CACNA2D3: variants seen among roughly 807,000 people sequenced by gnomAD.
CACNA2D3 encodes the protein voltage-dependent calcium channel subunit alpha-2/delta-3.
In CACNA2D3, 60 loss-of-function variants were observed where a neutral mutation model predicts 160.6. That is an observed-to-expected ratio of 0.37 (90% confidence interval 0.30 to 0.46). The LOEUF (loss-of-function observed/expected upper bound fraction) is 0.46. CACNA2D3 is among the 20% of genes least tolerant of loss of function. The pLI is 1.00. For synonymous variants in CACNA2D3, 558 were observed against 492.9 expected (o/e 1.13, Z -1.75); for missense variants, 1,205 against 1,365.0 (o/e 0.88, Z 1.85).
chr3:54,966,128 A>AC (rs1702143894), intron 27 of CACNA2D3, among the ~76,000 whole-genome samples: 1 of 151,924 alleles, frequency 6.6e-6, no homozygotes, highest in South Asian at 2.1e-4. Context: ...CCATCAGAGA[A>AC]CGGGGGTGGG....
At chr3:54,500,643 C>A (rs1241837774) in intron 4 of CACNA2D3, among the ~76,000 whole-genome samples, 1 of 149,714 alleles carries the variant, frequency 6.7e-6, no homozygotes, top group Non-Finnish European at 1.5e-5. Flanking sequence ...TCTTTTTCTG[C>A]CTTCTCTAGT....
chr3:54,291,372 G>T (rs78507078), intron 2 of CACNA2D3, among the ~76,000 whole-genome samples: 1,786 of 152,210 alleles, frequency 0.012, 31 homozygotes, highest in South Asian at 0.044. Flanking sequence ...TCTAAATTTT[G>T]TCCCTTTAAA....
intron 25 of CACNA2D3, among the ~76,000 whole-genome samples, chr3:54,891,768 G>A (rs982988092): frequency 2.0e-5 from 3 of 152,196 alleles, no homozygotes; most frequent in African/African-American, 7.2e-5. Context: ...CCAGAGGGAG[G>A]AAACACTCAT....
At chr3:54,949,292 A>G (rs1701696195) in intron 27 of CACNA2D3, among the ~76,000 whole-genome samples, 1 of 152,186 alleles carries the variant, frequency 6.6e-6, no homozygotes, top group Admixed American at 6.5e-5. Context: ...AATTGGAGTC[A>G]TGACAGCTCC....
intron 4 of CACNA2D3, among the ~76,000 whole-genome samples, chr3:54,412,477 T>C (rs1274561369): frequency 6.6e-6 from 1 of 151,974 alleles, no homozygotes; most frequent in Non-Finnish European, 1.5e-5. Flanking sequence ...TTTTATCTTT[T>C]AGATTTTATC....
chr3:54,996,245 G>A (rs1303897943), intron 31 of CACNA2D3, among the ~76,000 whole-genome samples: 1 of 152,210 alleles, frequency 6.6e-6, no homozygotes, highest in African/African-American at 2.4e-5. Context: ...TGCTTCAAAT[G>A]GGTTTTGCAT....
At chr3:54,183,527 T>C (rs1344277245) in intron 2 of CACNA2D3, among the ~76,000 whole-genome samples, 1 of 151,936 alleles carries the variant, frequency 6.6e-6, no homozygotes, top group Non-Finnish European at 1.5e-5. Flanking sequence ...AGGAAGCCCA[T>C]AGATTAAAAA....
chr3:54,666,557 T>C (rs1454437014), intron 11 of CACNA2D3, among the ~76,000 whole-genome samples: 3 of 152,220 alleles, frequency 2.0e-5, no homozygotes, highest in African/African-American at 7.2e-5. Context: ...ATTGCTGACA[T>C]AGTGATAAAG....
intron 20 of CACNA2D3, 120 bp from the exon 21 acceptor site, chr3:54,880,676 A>G (rs1236002762): frequency 1.1e-6 from 1 of 908,226 alleles, no homozygotes; most frequent in East Asian, 2.4e-5. Flanking sequence ...AACAGTTGGA[A>G]AAATTGTTGA....
At chr3:55,033,840 T>A (rs1171427130) in intron 35 of CACNA2D3, among the ~76,000 whole-genome samples, 2 of 114,770 alleles carry the variant, frequency 1.7e-5, no homozygotes, top group African/African-American at 7.4e-5. Context: ...ATATATAATA[T>A]ATATTACATA....
chr3:54,945,972 T>A (rs1005966925), intron 27 of CACNA2D3, among the ~76,000 whole-genome samples: 5 of 152,188 alleles, frequency 3.3e-5, no homozygotes, highest in African/African-American at 1.2e-4. Context: ...TCACAAGAGT[T>A]CTTTGCCACG....
chr3:54,998,319 A>G (rs1702903273), intron 31 of CACNA2D3, among the ~76,000 whole-genome samples: 1 of 151,910 alleles, frequency 6.6e-6, no homozygotes, highest in Non-Finnish European at 1.5e-5. Flanking sequence ...TTTTTAATAG[A>G]GATGGGGTTT....
At chr3:54,163,480 C>A (rs1700388590) in intron 2 of CACNA2D3, among the ~76,000 whole-genome samples, 1 of 152,180 alleles carries the variant, frequency 6.6e-6, no homozygotes, top group South Asian at 2.1e-4. Flanking sequence ...ATGGTGGAAT[C>A]CATAATGGCT....
At chr3:54,183,892 GAAA>G (rs58956795) in intron 2 of CACNA2D3, among the ~76,000 whole-genome samples, 17,128 of 81,260 alleles carry the variant, frequency 0.21, 399 homozygotes, top group East Asian at 0.29. Context: ...TCTCAAAAAA[GAAA>G]AAAAAAAAAA....
chr3:54,171,540 A>C (rs933684749), intron 2 of CACNA2D3, among the ~76,000 whole-genome samples: 1 of 152,212 alleles, frequency 6.6e-6, no homozygotes, highest in African/African-American at 2.4e-5. Context: ...TTATAATCTA[A>C]AATGATTATT....
chr3:54,696,070 G>A (rs1009754355), intron 11 of CACNA2D3, among the ~76,000 whole-genome samples: 2 of 152,164 alleles, frequency 1.3e-5, no homozygotes. Flanking sequence ...AGAGGTGGGA[G>A]GCATGGCCAG....
chr3:54,978,426 A>G (rs1702436640), intron 29 of CACNA2D3, among the ~76,000 whole-genome samples: 1 of 152,234 alleles, frequency 6.6e-6, no homozygotes, highest in Admixed American at 6.5e-5. Context: ...CATTCAGGGT[A>G]GATAGAGAGG....
chr3:54,331,805 A>T (rs1418417540), intron 3 of CACNA2D3, among the ~76,000 whole-genome samples: 1 of 152,130 alleles, frequency 6.6e-6, no homozygotes, highest in Non-Finnish European at 1.5e-5. Context: ...GCCCTCACCT[A>T]TTAAAAGTTC....
chr3:54,707,770 G>A (rs1296441268), intron 11 of CACNA2D3, among the ~76,000 whole-genome samples: 1 of 152,152 alleles, frequency 6.6e-6, no homozygotes, highest in African/African-American at 2.4e-5. Flanking sequence ...GAAGGAGAGG[G>A]AGATTCTGGG....
Sources: allele counts gnomAD v4.1 joint callset (sites outside exome capture counted in the v4.1 genomes callset), GRCh38; gene constraint gnomAD v4.1.1; transcripts MANE v1.5; gene names NCBI Gene and HGNC (gene_info 2026-07-23, HGNC 2026-07-21).